REC114: variants seen among roughly 807,000 people sequenced by gnomAD.
REC114 encodes the protein REC114 meiotic recombination protein, also known as meiotic recombination protein REC114.
REC114 carries 27 observed loss-of-function variants against 31.3 expected under a neutral mutation model. That is an observed-to-expected ratio of 0.86 (90% CI 0.64 to 1.19). The LOEUF (loss-of-function observed/expected upper bound fraction) is 1.19. Ranked by LOEUF, REC114 falls within the 50% of genes most tolerant of loss-of-function variation. The pLI is 0.00. For missense variants in REC114, 344 were observed against 326.9 expected (o/e 1.05, Z -0.40); for synonymous variants, 134 against 127.7 (o/e 1.05, Z -0.33).
At chr15:73,452,536 TATC>T (rs1293665283) in intron 1 of REC114, among the ~76,000 whole-genome samples, 1 of 152,180 alleles carries the variant, frequency 6.6e-6, no homozygotes, top group African/African-American at 2.4e-5. Flanking sequence ...GCAGAATCAA[TATC>T]ATGAAAATGG....
chr15:73,481,847 G>C (rs1893299284), intron 2 of REC114, among the ~76,000 whole-genome samples: 1 of 151,794 alleles, frequency 6.6e-6, no homozygotes, highest in African/African-American at 2.4e-5. Flanking sequence ...TTTTAGTAGA[G>C]ATGGGGTTTC....
At chr15:73,525,281 GATCA>G (rs1567889367) in intron 2 of REC114, among the ~76,000 whole-genome samples, 3 of 151,834 alleles carry the variant, frequency 2.0e-5, no homozygotes, top group African/African-American at 7.3e-5. Flanking sequence ...TTTTATTCTT[GATCA>G]ATCTAGATAG....
At chr15:73,478,753 T>G (rs185749286) in intron 2 of REC114, among the ~76,000 whole-genome samples, 1 of 152,350 alleles carries the variant, frequency 6.6e-6, no homozygotes, top group East Asian at 1.9e-4. Context: ...TTTGTAGTTT[T>G]CATAATACAG....
At chr15:73,454,756 G>T (rs1019098494) in intron 1 of REC114, among the ~76,000 whole-genome samples, 10 of 152,154 alleles carry the variant, frequency 6.6e-5, no homozygotes, top group African/African-American at 2.4e-4. Context: ...TGCTCCACAG[G>T]TTCCTTGATA....
chr15:73,540,511 G>A lies in REC114; in HGVS notation c.276G>A (p.Lys92=), dbSNP rs1198648333. The A allele has an allele frequency of 6.2e-7, 1 of 1,613,928 alleles. No individual in the cohort carries two copies. Among genetic ancestry groups the A allele is most frequent in the Admixed American group, 1.7e-5 (1 of 60,020 alleles). ...AAGGGTTTTCACTCATTGGTAGCAA[G>A]GACTGGTTGAAGATTGTAAGACGCG... ...LLEGFSLIGS[K]DWLKIVRRVD... Residue 92 remains lysine (K), a synonymous_variant, in exon 3 of 6, where the codon AAG becomes AAA. Coordinates refer to ENST00000331090, the MANE Select transcript of REC114 (RefSeq NM_001042367.2).
At chr15:73,455,037 A>G (rs1892897572) in intron 1 of REC114, among the ~76,000 whole-genome samples, 1 of 152,232 alleles carries the variant, frequency 6.6e-6, no homozygotes, top group African/African-American at 2.4e-5. Context: ...GGTTTTGAAA[A>G]CTGAACATTT....
intron 1 of REC114, among the ~76,000 whole-genome samples, chr15:73,466,869 T>A (rs1307241947): frequency 6.6e-6 from 1 of 152,238 alleles, no homozygotes; most frequent in Non-Finnish European, 1.5e-5. Flanking sequence ...TGTTTCTTGG[T>A]CTTTACAATC....
intron 2 of REC114, among the ~76,000 whole-genome samples, chr15:73,498,798 A>G (rs568384584): frequency 6.6e-6 from 1 of 152,328 alleles, no homozygotes; most frequent in Admixed American, 6.5e-5. Flanking sequence ...GTAAAAGATT[A>G]GAAATAGCCT....
intron 1 of REC114, among the ~76,000 whole-genome samples, chr15:73,461,903 TTC>T (rs1477849590): frequency 7.1e-6 from 1 of 140,926 alleles, no homozygotes; most frequent in Non-Finnish European, 1.6e-5. Context: ...GATAACATTT[TTC>T]TTTTTCTTTT....
At chr15:73,443,881 A>G (rs1001427975) in intron 1 of REC114, among the ~76,000 whole-genome samples, 4 of 152,194 alleles carry the variant, frequency 2.6e-5, no homozygotes, top group Non-Finnish European at 5.9e-5. Flanking sequence ...AAATAGAGAT[A>G]ATAATATAAT....
At chr15:73,517,521 G>A (rs894056537) in intron 2 of REC114, among the ~76,000 whole-genome samples, 2 of 152,106 alleles carry the variant, frequency 1.3e-5, no homozygotes, top group Admixed American at 6.6e-5. Flanking sequence ...TAGAAGTGAG[G>A]GGGGGAAAGA....
At chr15:73,493,044 T>G (rs1893468255) in intron 2 of REC114, among the ~76,000 whole-genome samples, 1 of 151,818 alleles carries the variant, frequency 6.6e-6, no homozygotes, top group South Asian at 2.1e-4. Flanking sequence ...TGAGACAGAG[T>G]CTCACTCTGA....
intron 2 of REC114, among the ~76,000 whole-genome samples, chr15:73,497,922 CT>C (rs1381575400): frequency 6.6e-6 from 1 of 152,198 alleles, no homozygotes; most frequent in Non-Finnish European, 1.5e-5. Context: ...TAAATAATTA[CT>C]GAATTCCCTA....
intron 2 of REC114, among the ~76,000 whole-genome samples, chr15:73,503,019 A>G (rs764496834): frequency 6.6e-6 from 1 of 152,242 alleles, no homozygotes; most frequent in Non-Finnish European, 1.5e-5. Flanking sequence ...CTATAATACA[A>G]CTGTTTGCAA....
chr15:73,467,181 C>T (rs1893073452), intron 1 of REC114, among the ~76,000 whole-genome samples: 1 of 152,178 alleles, frequency 6.6e-6, no homozygotes, highest in African/African-American at 2.4e-5. Flanking sequence ...TATTTAAACT[C>T]AGCAGTAACT....
chr15:73,492,107 C>T (rs1028065857), intron 2 of REC114, among the ~76,000 whole-genome samples: 1 of 152,050 alleles, frequency 6.6e-6, no homozygotes, highest in Non-Finnish European at 1.5e-5. Flanking sequence ...TTATTGGCCT[C>T]GTTAAGAAAC....
intron 2 of REC114, among the ~76,000 whole-genome samples, chr15:73,485,331 T>A (rs780540824): frequency 6.6e-6 from 1 of 152,080 alleles, no homozygotes; most frequent in African/African-American, 2.4e-5. Context: ...ATCTGCCTGC[T>A]TCAGCCTCCC....
At chr15:73,536,436 G>T (rs375914657) in intron 2 of REC114, among the ~76,000 whole-genome samples, 5 of 152,258 alleles carry the variant, frequency 3.3e-5, no homozygotes, top group East Asian at 1.9e-4. Context: ...TTAACCCCTA[G>T]CACAGTGGCC....
chr15:73,558,612 G>C (rs1216834572), intron 5 of REC114, among the ~76,000 whole-genome samples: 1 of 152,202 alleles, frequency 6.6e-6, no homozygotes, highest in East Asian at 1.9e-4. Flanking sequence ...GAGACATCCT[G>C]CAAACTTATT....
Sources: allele counts gnomAD v4.1 joint callset (sites outside exome capture counted in the v4.1 genomes callset), GRCh38; gene constraint gnomAD v4.1.1; transcripts MANE v1.5; gene names NCBI Gene and HGNC (gene_info 2026-07-23, HGNC 2026-07-21).